The following HYDIN variants were observed in gnomAD, a reference collection of about 807,000 sequenced individuals.
HYDIN encodes axonemal central pair apparatus protein HYDIN.
A neutral mutation model predicts 403.9 loss-of-function variants in HYDIN; 132 were observed. That is an observed-to-expected ratio of 0.33 (90% CI 0.28 to 0.38). The LOEUF (loss-of-function observed/expected upper bound fraction) is 0.38, where lower values mean the gene tolerates loss of function less well. HYDIN is among the 10% of genes least tolerant of loss of function. The pLI is 1.00. For missense variants in HYDIN, 2,827 were observed against 5,009.5 expected (o/e 0.56, Z 13.15); for synonymous variants, 1,202 against 1,891.7 (o/e 0.64, Z 9.46).
At chr16:71,056,701 C>T (rs891668190) in intron 18 of HYDIN, among the ~76,000 whole-genome samples, 6 of 152,256 alleles carry the variant, frequency 3.9e-5, no homozygotes, top group Non-Finnish European at 8.8e-5. Context: ...CCTGTCACAG[C>T]ATCCAACAAG....
At chr16:71,010,790 T>C (rs2080056391) in intron 23 of HYDIN, among the ~76,000 whole-genome samples, 1 of 151,996 alleles carries the variant, frequency 6.6e-6, no homozygotes, top group Admixed American at 6.5e-5. Flanking sequence ...AATAATCACA[T>C]TTCCCCTAAA....
intron 50 of HYDIN, among the ~76,000 whole-genome samples, chr16:70,906,104 T>C (rs1181695938): frequency 6.6e-6 from 1 of 151,686 alleles, no homozygotes; most frequent in East Asian, 1.9e-4. Context: ...TGGTTCCAGT[T>C]TTGGTTTCAC....
In HYDIN at chr16:70,805,907, G is replaced by C. The variant is rs887388884; in HGVS notation, c.*1673C>G. ...ATTCATACTTTTTAAATGGCATGCTGTTCTGAATAACTTGAGGAAATCTCA... is the reference window on the plus strand; with the variant it reads ...ATTCATACTTTTTAAATGGCATGCTCTTCTGAATAACTTGAGGAAATCTCA... On this transcript the variant is annotated 3_prime_UTR_variant, in exon 86 of 86. Transcript: ENST00000393567. 1.3e-5 allele frequency among the ~76,000 whole-genome samples: 2 copies of C among 152,156 alleles called. No homozygotes were observed. The highest frequency in any genetic ancestry group is 4.8e-5 in the African/African-American group (2 of 41,424).
intron 19 of HYDIN, among the ~76,000 whole-genome samples, chr16:71,030,570 C>A (rs986182465): frequency 2.0e-5 from 3 of 151,766 alleles, no homozygotes; most frequent in Non-Finnish European, 2.9e-5. Context: ...GTAGCTGGGA[C>A]TACACGCACC....
In HYDIN at chr16:70,804,951, T is replaced by G. The variant is rs1271986579; in HGVS notation, c.*2629A>C. Among the ~76,000 whole-genome samples the G allele has an allele frequency of 1.3e-5, 2 of 152,234 alleles. No individual in the cohort carries two copies. Among genetic ancestry groups the G allele is most frequent in the East Asian group, 3.8e-4 (2 of 5,198 alleles). ...TGGCTATAAGCCATGCTGGGGCTGG[T>G]GGCATGTTAGACAAGATTTCAGACA... On this transcript the variant is annotated 3_prime_UTR_variant, in exon 86 of 86. Coordinates refer to ENST00000393567, the MANE Select transcript of HYDIN (RefSeq NM_001270974.2).
rs2040956785 is a variant in HYDIN at position 70,883,807 on chromosome 16, G to A, written c.9979+113C>T. The A allele has an allele frequency of 2.3e-6, 3 of 1,297,666 alleles. No homozygotes were observed. In the Admixed American group the frequency reaches 6.0e-5, roughly 26 times the overall value. 80.4% of individuals were successfully genotyped at this position (1,297,666 alleles called of 1,614,324 possible). A position where few individuals can be genotyped will look rare whatever the true frequency, so the allele number is the denominator to read the frequency against. ...GCTGGTCTCAAACTCCTGACCTTAG[G>A]TGATCTGCCCGCCTTGGCCTCCCAA... On this transcript the variant is annotated intron_variant, in intron 59 of 85. Coordinates refer to ENST00000393567, the MANE Select transcript of HYDIN (RefSeq NM_001270974.2).
At chr16:71,158,688 T>TC (rs947093300) in intron 6 of HYDIN, among the ~76,000 whole-genome samples, 1 of 150,074 alleles carries the variant, frequency 6.7e-6, no homozygotes, top group African/African-American at 2.4e-5. Context: ...GGTTTTTTTT[T>TC]TTTTTTTTTT....
intron 36 of HYDIN, among the ~76,000 whole-genome samples, chr16:70,967,461 C>T (rs914912689): frequency 3.3e-5 from 5 of 151,430 alleles, no homozygotes; most frequent in African/African-American, 1.2e-4. Flanking sequence ...AAGCATGTGT[C>T]ACCATGTCCA....
At chr16:70,865,960 T>C (rs2039723391) in intron 67 of HYDIN, among the ~76,000 whole-genome samples, 1 of 152,216 alleles carries the variant, frequency 6.6e-6, no homozygotes, top group East Asian at 1.9e-4. Context: ...CTACATTTCC[T>C]GGCCTATATC....
intron 6 of HYDIN, among the ~76,000 whole-genome samples, chr16:71,156,720 A>C (rs368601938): frequency 1.3e-5 from 2 of 151,636 alleles, no homozygotes; most frequent in East Asian, 3.9e-4. Flanking sequence ...TAAATATTGA[A>C]TATAATATTA....
intron 58 of HYDIN, among the ~76,000 whole-genome samples, chr16:70,888,460 G>T (rs2041276494): frequency 6.6e-6 from 1 of 152,270 alleles, no homozygotes; most frequent in South Asian, 2.1e-4. Context: ...CTGGGCAGGG[G>T]TGGGTGTCCC....
At chr16:71,181,904 G>GA (rs1298038993) in intron 3 of HYDIN, among the ~76,000 whole-genome samples, 1 of 152,092 alleles carries the variant, frequency 6.6e-6, no homozygotes, top group Admixed American at 6.6e-5. Context: ...AAAAGGCTGT[G>GA]AAAAAAAGCT....
intron 1 of HYDIN, among the ~76,000 whole-genome samples, chr16:71,205,976 G>C (rs2088277225): frequency 6.6e-6 from 1 of 152,208 alleles, no homozygotes; most frequent in South Asian, 2.1e-4. Context: ...ACACCTGCTA[G>C]AGCTTCTAGC....
chr16:70,989,215 A>C (rs368759142), intron 25 of HYDIN, among the ~76,000 whole-genome samples: 1 of 152,070 alleles, frequency 6.6e-6, no homozygotes, highest in Non-Finnish European at 1.5e-5. Context: ...GCAGGCGTGC[A>C]CCACCACACC....
chr16:70,926,945 G>C (rs1466978137), intron 45 of HYDIN, among the ~76,000 whole-genome samples: 1 of 152,170 alleles, frequency 6.6e-6, no homozygotes, highest in Non-Finnish European at 1.5e-5. Context: ...AGTATAAAGA[G>C]AGGACAAAAG....
At chr16:70,934,009 GA>G (rs1474593475) in intron 45 of HYDIN, among the ~76,000 whole-genome samples, 1 of 152,160 alleles carries the variant, frequency 6.6e-6, no homozygotes, top group Non-Finnish European at 1.5e-5. Context: ...GGCGGGTCCA[GA>G]AAGAAACCAG....
At chr16:71,098,491 C>A (rs976196042) in intron 10 of HYDIN, among the ~76,000 whole-genome samples, 10 of 151,736 alleles carry the variant, frequency 6.6e-5, no homozygotes, top group African/African-American at 2.4e-4. Context: ...CGTGAGCCAC[C>A]GCGCCCGGCC....
At chr16:70,906,529 C>G (rs1478256335) in intron 50 of HYDIN, among the ~76,000 whole-genome samples, 6 of 152,076 alleles carry the variant, frequency 3.9e-5, no homozygotes, top group Non-Finnish European at 8.8e-5. Flanking sequence ...AGGAGCTATG[C>G]CATTGATGGC....
intron 41 of HYDIN, among the ~76,000 whole-genome samples, chr16:70,951,281 G>GAGAGAGAGAGAGAGA (rs1567892472): frequency 1.0e-5 from 1 of 95,962 alleles, no homozygotes; most frequent in African/African-American, 3.3e-5. Flanking sequence ...AGAGAGAGAG[G>GAGAGAGAGAGAGAGA]GAGAGAGGGA....
Sources: gnomAD v4.1 joint callset for allele counts (sites outside exome capture counted in the v4.1 genomes callset) on GRCh38, gnomAD v4.1.1 for gene constraint, MANE v1.5 for transcripts, NCBI Gene and HGNC (gene_info 2026-07-23, HGNC 2026-07-21) for gene names.